The following STK32A variants were observed in gnomAD, a reference collection of about 807,000 sequenced individuals.
STK32A encodes serine/threonine-protein kinase 32A.
In STK32A, 41 loss-of-function variants were observed where a neutral mutation model predicts 53.2. The ratio of observed to expected loss-of-function variants is 0.77; its 90% CI spans 0.60 to 1.00. The LOEUF (loss-of-function observed/expected upper bound fraction) is 1.00, where lower values mean the gene tolerates loss of function less well. Among genes scored for constraint, STK32A ranks in the 50% least tolerant of loss-of-function variants. The pLI, the probability that STK32A is intolerant of heterozygous loss-of-function variation, is 0.00. For synonymous variants in STK32A, 166 were observed against 162.8 expected, an observed-to-expected ratio of 1.02 and a Z score of -0.15; for missense variants, 458 against 485.8, an observed-to-expected ratio of 0.94 and a Z score of 0.54.
chr5:147,259,864 T>TTCTGTCTCTCTCTCCTGTCTCTCTCTTTC (rs751026516), intron 2 of STK32A, among the ~76,000 whole-genome samples: 2,419 of 141,226 alleles, frequency 0.017, 38 homozygotes, highest in Middle Eastern at 0.05. Flanking sequence ...TCTCCCTCTC[T>TTCTGTCTCTCTCTCCTGTCTCTCTCTTTC]TCTGTCTCTC....
chr5:147,335,865 G>T (rs1007226638), intron 5 of STK32A, among the ~76,000 whole-genome samples: 12 of 152,256 alleles, frequency 7.9e-5, no homozygotes, highest in Admixed American at 6.5e-4. Context: ...GTGTTACAGA[G>T]AAGTGAAAAT....
intron 8 of STK32A, among the ~76,000 whole-genome samples, chr5:147,364,824 C>T (rs545735372): frequency 6.6e-6 from 1 of 152,240 alleles, no homozygotes; most frequent in African/African-American, 2.4e-5. Context: ...CTCCAAATAC[C>T]ATCATATTGA....
At chr5:147,383,418 T>G in intron 11 of STK32A, 23 bp from the exon 12 acceptor site, 2 of 1,575,876 alleles carry the variant, frequency 1.3e-6, no homozygotes, top group Non-Finnish European at 1.7e-6. Flanking sequence ...TACCTCTATT[T>G]TTTTTCTACG....
intron 2 of STK32A, among the ~76,000 whole-genome samples, chr5:147,277,412 G>C (rs1201473381): frequency 2.6e-5 from 4 of 151,926 alleles, no homozygotes; most frequent in Non-Finnish European, 4.4e-5. Flanking sequence ...CTTCTTCTAG[G>C]GACTGAAATT....
At chr5:147,389,199 C>A (rs1376071008), downstream of STK32A, among the ~76,000 whole-genome samples, 1 of 152,128 alleles carries the variant, frequency 6.6e-6, no homozygotes. Context: ...CCCCTGGTAT[C>A]CCATCTCCTC....
At chr5:147,311,589 CAG>C (rs1391201663) in intron 4 of STK32A, among the ~76,000 whole-genome samples, 3 of 152,168 alleles carry the variant, frequency 2.0e-5, no homozygotes, top group Non-Finnish European at 4.4e-5. Context: ...TTTTAAGAGA[CAG>C]AGTCTTGCTC....
At chr5:147,274,037 GAA>G (rs1390813054) in intron 2 of STK32A, among the ~76,000 whole-genome samples, 2 of 152,118 alleles carry the variant, frequency 1.3e-5, no homozygotes, top group African/African-American at 2.4e-5. Flanking sequence ...TCACCCAAAA[GAA>G]AAACTCTGAA....
chr5:147,248,432 C>T (rs554352778), intron 2 of STK32A, among the ~76,000 whole-genome samples: 38 of 152,024 alleles, frequency 2.5e-4, no homozygotes, highest in Admixed American at 2.1e-3. Context: ...GTAAAATATG[C>T]TATTTTTGTA....
chr5:147,369,658 C>G (rs1367553480), intron 8 of STK32A, among the ~76,000 whole-genome samples: 1 of 152,158 alleles, frequency 6.6e-6, no homozygotes, highest in African/African-American at 2.4e-5. Context: ...AAAACTTAAA[C>G]CCTTTCATTT....
At chr5:147,363,438 C>T (rs1331503906) in intron 8 of STK32A, among the ~76,000 whole-genome samples, 1 of 152,194 alleles carries the variant, frequency 6.6e-6, no homozygotes, top group Admixed American at 6.5e-5. Flanking sequence ...TCTGTCTACA[C>T]AGCTCTGTTG....
chr5:147,366,921 C>A (rs992105134), intron 8 of STK32A, among the ~76,000 whole-genome samples: 1 of 150,986 alleles, frequency 6.6e-6, no homozygotes, highest in Non-Finnish European at 1.5e-5. Context: ...CTTTCTAGAT[C>A]AGAACACCTA....
intron 2 of STK32A, among the ~76,000 whole-genome samples, chr5:147,241,621 T>C (rs77018527): frequency 0.037 from 5,643 of 152,320 alleles, 371 homozygotes; most frequent in African/African-American, 0.13. Context: ...TGAAATTATA[T>C]AGCTGGAAAG....
At chr5:147,298,864 G>A (rs905625304) in intron 4 of STK32A, among the ~76,000 whole-genome samples, 7 of 152,006 alleles carry the variant, frequency 4.6e-5, no homozygotes, top group East Asian at 1.9e-4. Context: ...TTCCAATCCC[G>A]CAGAGTTAAG....
chr5:147,350,018 G>A (rs1004831650), intron 6 of STK32A, among the ~76,000 whole-genome samples: 30 of 152,004 alleles, frequency 2.0e-4, no homozygotes, highest in African/African-American at 7.2e-4. Context: ...GGCTGAGGCA[G>A]GAGAATCACT....
At chr5:147,249,336 C>T (rs1306486111) in intron 2 of STK32A, among the ~76,000 whole-genome samples, 2 of 151,844 alleles carry the variant, frequency 1.3e-5, no homozygotes, top group African/African-American at 4.8e-5. Flanking sequence ...AAAAATTGTC[C>T]AGGTAAAATG....
rs1757698580 is a variant in STK32A, at chr5:147,387,289, G to C, written c.*3306G>C. ...GCTAACCCACTGCCATGGTGGCACT[G>C]GTTTTGCCTGAGGTCATTGCTAGGG... On this transcript the variant is annotated 3_prime_UTR_variant, in exon 13 of 13. Transcript: ENST00000397936. The C allele has an allele frequency of 1.3e-5, 2 of 152,244 alleles. No homozygotes were observed. The allele number at this position is 152,244 out of a possible 1,614,324, so 9.4% of individuals were successfully genotyped here.
chr5:147,342,226 A>G (rs991296278), intron 5 of STK32A, among the ~76,000 whole-genome samples: 1 of 152,182 alleles, frequency 6.6e-6, no homozygotes, highest in African/African-American at 2.4e-5. Context: ...TGACAGACCA[A>G]GTCTGTCAGC....
intron 2 of STK32A, among the ~76,000 whole-genome samples, chr5:147,274,702 A>G (rs933964050): frequency 2.6e-5 from 4 of 152,226 alleles, no homozygotes; most frequent in African/African-American, 9.6e-5. Flanking sequence ...TCCAGGCAAT[A>G]TTCTATGCAC....
At chr5:147,256,570 G>T (rs181482325) in intron 2 of STK32A, among the ~76,000 whole-genome samples, 33 of 152,280 alleles carry the variant, frequency 2.2e-4, no homozygotes, top group Admixed American at 1.8e-3. Flanking sequence ...GGAGTGCAAT[G>T]GCGCAATCTT....
Sources: allele counts gnomAD v4.1 joint callset (sites outside exome capture counted in the v4.1 genomes callset), GRCh38; gene constraint gnomAD v4.1.1; transcripts MANE v1.5; gene names NCBI Gene and HGNC (gene_info 2026-07-23, HGNC 2026-07-21).